The following HDAC9 variants were observed in gnomAD, a reference collection of about 807,000 sequenced individuals.
HDAC9 encodes the protein MEF-2 interacting transcription repressor (MITR) protein.
In HDAC9, 41 loss-of-function variants were observed where a neutral mutation model predicts 139.4. That is an observed-to-expected ratio of 0.29 (90% CI 0.23 to 0.38). HDAC9 has a LOEUF of 0.38. HDAC9 is among the 10% of genes least tolerant of loss of function. HDAC9 has a pLI of 1.00. For synonymous variants in HDAC9, 517 were observed against 476.2 expected (o/e 1.09, Z -1.12); for missense variants, 1,147 against 1,297.0 (o/e 0.88, Z 1.78).
intron 1 of HDAC9, among the ~76,000 whole-genome samples, chr7:18,131,781 C>T (rs950967124): frequency 3.9e-5 from 6 of 152,128 alleles, no homozygotes; most frequent in Non-Finnish European, 7.4e-5. Context: ...CACACTCCCT[C>T]ATGGAGAGCA....
At chr7:18,584,089 A>ATCCTGTC (rs1240633599) in intron 2 of HDAC9, among the ~76,000 whole-genome samples, 10 of 150,594 alleles carry the variant, frequency 6.6e-5, no homozygotes, top group African/African-American at 2.4e-4. Context: ...ACACCTGGAT[A>ATCCTGTC]TCCTGTCTGT....
chr7:18,562,768 G>T (rs1821006604), intron 2 of HDAC9, among the ~76,000 whole-genome samples: 1 of 151,958 alleles, frequency 6.6e-6, no homozygotes, highest in Admixed American at 6.6e-5. Flanking sequence ...TTTAAGATTA[G>T]TATGTCAATT....
intron 1 of HDAC9, among the ~76,000 whole-genome samples, chr7:18,095,625 G>C (rs890784185): frequency 1.3e-5 from 2 of 152,168 alleles, no homozygotes; most frequent in African/African-American, 2.4e-5. Flanking sequence ...CTACAGGTCT[G>C]TACAGTATGA....
chr7:18,979,349 A>AT (rs1316959494), intron 25 of HDAC9, among the ~76,000 whole-genome samples: 1 of 152,144 alleles, frequency 6.6e-6, no homozygotes, highest in Non-Finnish European at 1.5e-5. Context: ...TTAAATATAC[A>AT]TTCATATCTA....
At chr7:18,755,712 A>G (rs1294256143) in intron 14 of HDAC9, among the ~76,000 whole-genome samples, 2 of 152,116 alleles carry the variant, frequency 1.3e-5, no homozygotes, top group South Asian at 4.1e-4. Context: ...AAACTTAAAA[A>G]AATAGAGAGT....
At chr7:18,496,407 T>G in intron 2 of HDAC9, 83 bp downstream of exon 2, 1 of 1,209,838 alleles carries the variant, frequency 8.3e-7, no homozygotes, top group Non-Finnish European at 1.2e-6. Context: ...AGCACCTCTC[T>G]TAAGGAAATT....
intron 2 of HDAC9, among the ~76,000 whole-genome samples, chr7:18,257,669 T>G (rs1344107426): frequency 6.6e-6 from 1 of 152,136 alleles, no homozygotes; most frequent in Non-Finnish European, 1.5e-5. Flanking sequence ...ATACCAACTC[T>G]AGGCAGAAAT....
At position 18,901,068 on chromosome 7, in the gene HDAC9, A is replaced by G. The variant is rs1007456521; in HGVS notation, c.2803+26472A>G. Among the ~76,000 whole-genome samples, 5 of 152,000 alleles carry G rather than the reference A, an allele frequency of 3.3e-5. 1 individual carries two copies. Among genetic ancestry groups the G allele is most frequent in the Admixed American group, 3.3e-4 (5 of 15,246 alleles). ...GGCACATTTTGACTTCTTTTCAAAG[A>G]TTGCTTAAGTCCTGTGACATTAATC... On this transcript the variant is annotated intron_variant, in intron 22 of 25. Coordinates refer to ENST00000686413, the MANE Select transcript of HDAC9 (RefSeq NM_178425.4).
intron 23 of HDAC9, among the ~76,000 whole-genome samples, chr7:18,938,072 C>G (rs897495120): frequency 2.6e-5 from 4 of 152,050 alleles, no homozygotes; most frequent in African/African-American, 9.7e-5. Context: ...ATTCTATGAC[C>G]TTTTGACTGG....
At chr7:18,248,647 C>G (rs569924869) in intron 2 of HDAC9, among the ~76,000 whole-genome samples, 12 of 152,208 alleles carry the variant, frequency 7.9e-5, no homozygotes, top group South Asian at 2.1e-4. Flanking sequence ...TTTTCATGCA[C>G]TACATGAGAG....
At chr7:18,284,996 A>G (rs1797343383) in intron 2 of HDAC9, among the ~76,000 whole-genome samples, 1 of 152,178 alleles carries the variant, frequency 6.6e-6, no homozygotes, top group South Asian at 2.1e-4. Flanking sequence ...CTGAATTGCC[A>G]GACAAGCTTC....
chr7:18,089,621 A>G (rs1208018466), intron 1 of HDAC9, among the ~76,000 whole-genome samples: 1 of 152,152 alleles, frequency 6.6e-6, no homozygotes, highest in Non-Finnish European at 1.5e-5. Flanking sequence ...ATTAATATCT[A>G]CATCTAGGTT....
intron 1 of HDAC9, chr7:18,429,358 C>T (rs1790418978): frequency 6.6e-6 from 1 of 152,156 alleles, no homozygotes. Flanking sequence ...CTCCCCACTG[C>T]CACCTTTCTA....
intron 12 of HDAC9, among the ~76,000 whole-genome samples, chr7:18,711,294 G>A (rs545684405): frequency 1.3e-5 from 2 of 152,208 alleles, no homozygotes; most frequent in South Asian, 4.2e-4. Context: ...AAATATCTCA[G>A]GGGTCCACCT....
At chr7:18,142,362 T>G (rs1785964299) in intron 1 of HDAC9, among the ~76,000 whole-genome samples, 1 of 152,206 alleles carries the variant, frequency 6.6e-6, no homozygotes. Flanking sequence ...TCACTTCTCC[T>G]GCTCATCCTT....
chr7:18,580,438 G>C (rs1247654141), intron 2 of HDAC9, among the ~76,000 whole-genome samples: 1 of 152,016 alleles, frequency 6.6e-6, no homozygotes, highest in African/African-American at 2.4e-5. Flanking sequence ...TGGGCATTTG[G>C]AACATAATAA....
At chr7:18,484,887 A>C (rs1406821471) in intron 1 of HDAC9, among the ~76,000 whole-genome samples, 2 of 151,566 alleles carry the variant, frequency 1.3e-5, no homozygotes, top group Non-Finnish European at 2.9e-5. Flanking sequence ...AAAAAATTTT[A>C]GTTCATCTAG....
intron 6 of HDAC9, among the ~76,000 whole-genome samples, chr7:18,626,129 G>A (rs1029052400): frequency 4.6e-5 from 7 of 151,988 alleles, no homozygotes; most frequent in Admixed American, 4.6e-4. Context: ...AGCAATAGTG[G>A]GAGGTCATTC....
intron 11 of HDAC9, among the ~76,000 whole-genome samples, chr7:18,658,195 A>G (rs569917955): frequency 6.6e-6 from 1 of 152,024 alleles, no homozygotes; most frequent in South Asian, 2.1e-4. Context: ...TCAGTTGCTA[A>G]TTTTCTGCCT....
Sources: gnomAD v4.1 joint callset for allele counts (sites outside exome capture counted in the v4.1 genomes callset) on GRCh38, gnomAD v4.1.1 for gene constraint, MANE v1.5 for transcripts, NCBI Gene and HGNC (gene_info 2026-07-23, HGNC 2026-07-21) for gene names.